NXPE2: variants seen among roughly 807,000 people sequenced by gnomAD.
NXPE2 encodes NXPE family member 2.
A neutral mutation model predicts 34.4 loss-of-function variants in NXPE2; 34 were observed. That is an observed-to-expected ratio of 0.99 (90% confidence interval 0.75 to 1.31). The LOEUF (loss-of-function observed/expected upper bound fraction) is 1.31, where lower values mean the gene tolerates loss of function less well. Ranked by LOEUF, NXPE2 falls within the 40% of genes most tolerant of loss-of-function variation. The probability of loss-of-function intolerance (pLI) is 0.00; values close to 1 mark genes in which losing one functional copy is unlikely to be tolerated. For missense variants in NXPE2, 649 were observed against 672.5 expected (o/e 0.97, Z 0.39); for synonymous variants, 235 against 231.3 (o/e 1.02, Z -0.15).
At chr11:114,697,643 C>A (rs1294277197) in intron 2 of NXPE2, among the ~76,000 whole-genome samples, 2 of 152,198 alleles carry the variant, frequency 1.3e-5, no homozygotes, top group Admixed American at 6.5e-5. Context: ...AATATACATT[C>A]TTTCCCAGTG....
At chr11:114,807,025 G>A in the NXPE2 span, among the ~76,000 whole-genome samples, 1 of 152,012 alleles carries the variant, frequency 6.6e-6, no homozygotes, top group Non-Finnish European at 1.5e-5. Context: ...GAAGAGAGTG[G>A]GGACCAATAT....
the NXPE2 span, among the ~76,000 whole-genome samples, chr11:114,531,664 A>T: frequency 6.6e-6 from 1 of 152,070 alleles, no homozygotes; most frequent in African/African-American, 2.4e-5. Context: ...TGATGTCTTG[A>T]CAAGACTTCT....
At chr11:114,741,113 T>G in the NXPE2 span, among the ~76,000 whole-genome samples, 2 of 152,186 alleles carry the variant, frequency 1.3e-5, no homozygotes, top group Admixed American at 1.3e-4. Flanking sequence ...GTTGGCAGGT[T>G]TCTATTTTTT....
the NXPE2 span, among the ~76,000 whole-genome samples, chr11:114,471,120 G>T: frequency 6.6e-6 from 1 of 152,152 alleles, no homozygotes; most frequent in African/African-American, 2.4e-5. Flanking sequence ...CTATCTAAGA[G>T]AATGTCTTAA....
the NXPE2 span, among the ~76,000 whole-genome samples, chr11:114,645,518 A>G: frequency 3.3e-4 from 51 of 152,260 alleles, no homozygotes; most frequent in Non-Finnish European, 6.5e-4. Context: ...GATAGAAGAA[A>G]ATGTTGATAA....
At chr11:114,810,168 T>G in the NXPE2 span, among the ~76,000 whole-genome samples, 4 of 145,432 alleles carry the variant, frequency 2.8e-5, no homozygotes, top group African/African-American at 1.0e-4. Flanking sequence ...ATCCCTTCCT[T>G]ACACCTTATA....
the NXPE2 span, among the ~76,000 whole-genome samples, chr11:114,719,472 G>T: frequency 3.3e-5 from 5 of 152,348 alleles, no homozygotes; most frequent in South Asian, 1.0e-3. Flanking sequence ...CTGCTTGGTT[G>T]TGCCTTGGCT....
At chr11:114,767,571 T>C in the NXPE2 span, among the ~76,000 whole-genome samples, 1 of 152,086 alleles carries the variant, frequency 6.6e-6, no homozygotes, top group African/African-American at 2.4e-5. Context: ...TTACTGAGAG[T>C]GGAGACCAGA....
chr11:114,653,527 C>CT, the NXPE2 span, among the ~76,000 whole-genome samples: 1 of 133,720 alleles, frequency 7.5e-6, no homozygotes, highest in African/African-American at 2.7e-5. Context: ...CCTTGTCCTG[C>CT]TTTCCCTTTT....
At chr11:114,628,457 G>A in the NXPE2 span, among the ~76,000 whole-genome samples, 21 of 152,224 alleles carry the variant, frequency 1.4e-4, no homozygotes, top group East Asian at 3.7e-3. Flanking sequence ...AAATAAAGAT[G>A]TTCTTTGAAA....
At chr11:114,604,781 A>G in the NXPE2 span, among the ~76,000 whole-genome samples, 1 of 152,046 alleles carries the variant, frequency 6.6e-6, no homozygotes, top group Non-Finnish European at 1.5e-5. Flanking sequence ...TACCCAGTGG[A>G]TAATAAGTGT....
chr11:114,527,199 C>T, the NXPE2 span: 1 of 152,440 alleles, frequency 6.6e-6, no homozygotes, highest in Admixed American at 6.5e-5. Context: ...TCCCTCAAAC[C>T]TTGTTATGAC....
At chr11:114,664,428 G>A in the NXPE2 span, among the ~76,000 whole-genome samples, 3 of 151,864 alleles carry the variant, frequency 2.0e-5, no homozygotes, top group African/African-American at 4.8e-5. Context: ...TTACATTATC[G>A]TCGAAACTTA....
chr11:114,530,707 T>C, the NXPE2 span: 2 of 1,614,204 alleles, frequency 1.2e-6, no homozygotes, highest in Non-Finnish European at 1.7e-6. Context: ...GTGGCTGTGC[T>C]GTGTGTGGCA....
the NXPE2 span, among the ~76,000 whole-genome samples, chr11:114,513,746 G>C: frequency 5.4e-3 from 828 of 152,194 alleles, 3 homozygotes; most frequent in Non-Finnish European, 8.3e-3. Flanking sequence ...TTAAAAAATG[G>C]TTACAATAGC....
chr11:114,618,895 G>A, the NXPE2 span, among the ~76,000 whole-genome samples: 6 of 152,102 alleles, frequency 3.9e-5, no homozygotes, highest in East Asian at 1.2e-3. Flanking sequence ...CTGTTACCCG[G>A]AGGATAATAA....
At chr11:114,532,197 A>T in the NXPE2 span, among the ~76,000 whole-genome samples, 3 of 152,226 alleles carry the variant, frequency 2.0e-5, no homozygotes, top group Non-Finnish European at 4.4e-5. Flanking sequence ...GCCAAAGGAG[A>T]GGAGAAACAA....
In NXPE2 at chr11:114,684,713, A is replaced by T. The variant is rs554012128; in HGVS notation, c.132+4951A>T. ...AAAGGGGGAATCAGAGGCTCCAAAA[A>T]TTTTCCTTTTTGTAATATGGGAGAT... is the stretch of plus-strand genomic sequence containing the variant. On this transcript the variant is annotated intron_variant, in intron 2 of 5. Transcript: ENST00000389586. 1.4e-4 allele frequency among the ~76,000 whole-genome samples: 22 copies of T among 152,164 alleles called. No individual in the cohort carries two copies. The East Asian group carries it at 4.3e-3, about 29-fold the overall frequency.
chr11:114,534,035 C>G, the NXPE2 span, among the ~76,000 whole-genome samples: 3 of 152,194 alleles, frequency 2.0e-5, no homozygotes, highest in Non-Finnish European at 2.9e-5. Flanking sequence ...AGGCACCCCC[C>G]AGTAGGGGCA....
Sources: gnomAD v4.1 joint callset for allele counts (sites outside exome capture counted in the v4.1 genomes callset) on GRCh38, gnomAD v4.1.1 for gene constraint, MANE v1.5 for transcripts, NCBI Gene and HGNC (gene_info 2026-07-23, HGNC 2026-07-21) for gene names.